GLIS3: variants seen among roughly 807,000 people sequenced by gnomAD.
The protein encoded by GLIS3 is GLIS family zinc finger 3.
Under a neutral mutation model 78.6 loss-of-function variants are expected in GLIS3, and 53 were observed. That is an observed-to-expected ratio of 0.67 (90% CI 0.54 to 0.85). The LOEUF is 0.85. GLIS3 is among the 40% of genes least tolerant of loss of function. The probability of loss-of-function intolerance (pLI) is 0.00; values close to 1 mark genes in which losing one functional copy is unlikely to be tolerated. For synonymous variants in GLIS3, 684 were observed against 509.9 expected (o/e 1.34, Z -4.60); for missense variants, 1,703 against 1,231.1 (o/e 1.38, Z -5.74).
At chr9:4,372,653 G>C in the GLIS3 span, among the ~76,000 whole-genome samples, 2 of 152,048 alleles carry the variant, frequency 1.3e-5, no homozygotes, top group African/African-American at 4.8e-5. Flanking sequence ...CTAATCTTAG[G>C]GACCGATGAC....
At chr9:4,088,906 C>G (rs1022762089) in intron 4 of GLIS3, among the ~76,000 whole-genome samples, 1 of 152,220 alleles carries the variant, frequency 6.6e-6, no homozygotes, top group Non-Finnish European at 1.5e-5. Flanking sequence ...GGCTTCACCC[C>G]AAAAGGCCTG....
At chr9:4,367,325 TCCCTTC>T in the GLIS3 span, among the ~76,000 whole-genome samples, 392 of 152,244 alleles carry the variant, frequency 2.6e-3, 1 homozygote, top group Non-Finnish European at 4.8e-3. Context: ...AATTGTGACT[TCCCTTC>T]CCCACTTTCA....
chr9:4,311,941 G>A (rs867571829), intron 2 of GLIS3, among the ~76,000 whole-genome samples: 6 of 132,446 alleles, frequency 4.5e-5, no homozygotes, highest in Admixed American at 2.2e-4. Context: ...ATGAGGACAC[G>A]TGGACACAGA....
rs80052669 is a variant in GLIS3, at chr9:4,204,249, A to T, written c.389-78308T>A. Among the ~76,000 whole-genome samples the T allele has an allele frequency of 9.5e-3, 1,443 of 152,314 alleles. 22 individuals carry two copies. The highest frequency in any genetic ancestry group is 0.034 in the African/African-American group (1,392 of 41,550). ...CTGATTGAAGATAATATGTAAAAAG[A>T]GGAGTACAGTTAGCGATTTTATAAC... On this transcript the variant is annotated intron_variant, in intron 2 of 10. Transcript: ENST00000381971.
rs376273356 is a variant in GLIS3, at chr9:3,879,211, T to A, written c.2297+216A>T. ...AGCATCTGAAACTTTGGCTGGCTATTGCCAGTATCATTTCATTTGTTTTCC... is the reference window on the plus strand; with the variant it reads ...AGCATCTGAAACTTTGGCTGGCTATAGCCAGTATCATTTCATTTGTTTTCC... On this transcript the variant is annotated intron_variant, in intron 8 of 10. Coordinates refer to ENST00000381971, the MANE Select transcript of GLIS3 (RefSeq NM_001042413.2). Among the ~76,000 whole-genome samples the A allele has an allele frequency of 5.9e-5, 9 of 152,278 alleles. No homozygotes were observed. In the South Asian group the frequency reaches 1.9e-3, roughly 32 times the overall value.
At chr9:4,398,716 T>A in the GLIS3 span, among the ~76,000 whole-genome samples, 6 of 151,670 alleles carry the variant, frequency 4.0e-5, no homozygotes, top group Non-Finnish European at 8.8e-5. Context: ...TGAGACAGAG[T>A]TTCACTCTGT....
At position 4,261,011 on chromosome 9, in the gene GLIS3, T is replaced by C. The variant is rs527672347; in HGVS notation, c.388+25027A>G. ...ACATTTGTGGCTGTAATTATATTTC[T>C]ACAGGTCAACACTGCTCTAAAGACA... is the stretch of plus-strand genomic sequence containing the variant. On this transcript the variant is annotated intron_variant, in intron 2 of 10. Transcript: ENST00000381971. Among the ~76,000 whole-genome samples the C allele has an allele frequency of 2.6e-5, 4 of 152,338 alleles. No homozygotes were observed. The South Asian group carries it at 8.3e-4, about 32-fold the overall frequency.
At chr9:4,249,645 C>A (rs1396242760) in intron 2 of GLIS3, among the ~76,000 whole-genome samples, 1 of 152,190 alleles carries the variant, frequency 6.6e-6, no homozygotes, top group East Asian at 1.9e-4. Flanking sequence ...GCCAGAACTT[C>A]CAATACTATG....
chr9:4,303,522 C>T (rs575842841), upstream of GLIS3, among the ~76,000 whole-genome samples: 3 of 152,294 alleles, frequency 2.0e-5, no homozygotes, highest in East Asian at 1.9e-4. Context: ...CCAAACTCTT[C>T]GGCTCACATA....
At chr9:4,295,242 G>C (rs775731384) in intron 1 of GLIS3, among the ~76,000 whole-genome samples, 1 of 151,984 alleles carries the variant, frequency 6.6e-6, no homozygotes, top group Admixed American at 6.5e-5. Flanking sequence ...TACACTCTGG[G>C]TTGCCTTAGT....
chr9:4,419,055 C>A, the GLIS3 span, among the ~76,000 whole-genome samples: 3 of 152,138 alleles, frequency 2.0e-5, no homozygotes, highest in African/African-American at 4.8e-5. Context: ...GATTAAAATC[C>A]AATAAATTAC....
intron 4 of GLIS3, among the ~76,000 whole-genome samples, chr9:4,027,628 A>T (rs1466753709): frequency 6.6e-6 from 1 of 152,182 alleles, no homozygotes; most frequent in Non-Finnish European, 1.5e-5. Context: ...TGTGAATGCC[A>T]TAAATAACAT....
At chr9:4,050,516 C>A (rs1013273771) in intron 4 of GLIS3, among the ~76,000 whole-genome samples, 2 of 152,048 alleles carry the variant, frequency 1.3e-5, no homozygotes, top group Non-Finnish European at 2.9e-5. Flanking sequence ...TTGATGGGTG[C>A]AGCAAGCCAA....
chr9:4,487,377 T>C, the GLIS3 span, among the ~76,000 whole-genome samples: 1 of 152,152 alleles, frequency 6.6e-6, no homozygotes, highest in Admixed American at 6.6e-5. Context: ...GATTATTGTA[T>C]TAAATTATTA....
At chr9:4,040,106 C>T (rs556208202) in intron 4 of GLIS3, among the ~76,000 whole-genome samples, 1 of 152,246 alleles carries the variant, frequency 6.6e-6, no homozygotes, top group Non-Finnish European at 1.5e-5. Context: ...CCTACACAGT[C>T]CTGGTACTTA....
intron 9 of GLIS3, among the ~76,000 whole-genome samples, chr9:3,835,419 G>A (rs796158785): frequency 1.3e-4 from 20 of 152,306 alleles, no homozygotes; most frequent in African/African-American, 4.8e-4. Context: ...AGACTCCTTG[G>A]AAATAATGCT....
rs35583742 is a variant in GLIS3 at position 4,321,421 on chromosome 9, C to CAAAAAAAAAAAAAAAAAAAAAAAAAAA, written n.265-10920_265-10894dup. Among the ~76,000 whole-genome samples, 2 of 16,304 alleles carry CAAAAAAAAAAAAAAAAAAAAAAAAAAA rather than the reference C, an allele frequency of 1.2e-4. 1 individual carries two copies. Among genetic ancestry groups the CAAAAAAAAAAAAAAAAAAAAAAAAAAA allele is most frequent in the Non-Finnish European group, 2.2e-4 (2 of 9,156 alleles). 10.7% of individuals were successfully genotyped at this position (16,304 alleles called of 152,430 possible). Reference sequence around the variant, plus strand: ...TGGGCCACAGAGCTAGACTCCGTCTCAAAAAAAAAAAAAAAAAAAAAAAAA... The same window carrying CAAAAAAAAAAAAAAAAAAAAAAAAAAA: ...TGGGCCACAGAGCTAGACTCCGTCTCAAAAAAAAAAAAAAAAAAAAAAAAAAAAAAAAAAAAAAAAAAAAAAAAAAAA... On this transcript the variant is annotated intron_variant and non_coding_transcript_variant, in intron 2 of 4. Transcript: ENST00000471664.
chr9:4,367,846 T>C, the GLIS3 span, among the ~76,000 whole-genome samples: 1 of 152,172 alleles, frequency 6.6e-6, no homozygotes. Context: ...TACTCACACA[T>C]CTACCAATTC....
At chr9:3,991,132 G>C (rs940114835) in intron 4 of GLIS3, among the ~76,000 whole-genome samples, 1 of 152,196 alleles carries the variant, frequency 6.6e-6, no homozygotes, top group Non-Finnish European at 1.5e-5. Context: ...TGTAGGGAGA[G>C]AATGTTAGAT....
Sources: gnomAD v4.1 joint callset for allele counts (sites outside exome capture counted in the v4.1 genomes callset) on GRCh38, gnomAD v4.1.1 for gene constraint, MANE v1.5 for transcripts, NCBI Gene and HGNC (gene_info 2026-07-23, HGNC 2026-07-21) for gene names.